The following HERC1 variants were observed in gnomAD, a reference collection of about 807,000 sequenced individuals.
The protein encoded by HERC1 is probable E3 ubiquitin-protein ligase HERC1.
In HERC1, 160 loss-of-function variants were observed where a neutral mutation model predicts 554.3. The ratio of observed to expected loss-of-function variants is 0.29; its 90% CI spans 0.25 to 0.33. The LOEUF is 0.33. Among genes scored for constraint, HERC1 ranks in the 10% least tolerant of loss-of-function variants. HERC1 has a pLI of 1.00. For missense variants in HERC1, 4,919 were observed against 5,918.5 expected (o/e 0.83, Z 5.54); for synonymous variants, 2,175 against 2,131.7 (o/e 1.02, Z -0.56).
intron 57 of HERC1, among the ~76,000 whole-genome samples, chr15:63,644,759 C>T (rs1415617349): frequency 6.6e-6 from 1 of 152,196 alleles, no homozygotes; most frequent in Non-Finnish European, 1.5e-5. Context: ...TATCCACTAT[C>T]ACAGTAACAG....
chr15:63,829,477 TAA>T (rs201049016), intron 1 of HERC1, among the ~76,000 whole-genome samples: 42,420 of 102,198 alleles, frequency 0.42, 7,885 homozygotes, highest in African/African-American at 0.48. Context: ...TATGTTTATA[TAA>T]ATATATATAT....
chr15:63,652,588 T>C (rs201341185), intron 51 of HERC1, 47 bp from the exon 52 acceptor site: 2 of 1,427,440 alleles, frequency 1.4e-6, no homozygotes, highest in Admixed American at 2.3e-5. Context: ...ATTCAAATGA[T>C]TTTATTATTT....
intron 23 of HERC1, 108 bp downstream of exon 23, chr15:63,713,245 G>T: frequency 1.1e-6 from 1 of 908,738 alleles, no homozygotes; most frequent in Non-Finnish European, 1.7e-6. Flanking sequence ...CTTCTTTCAT[G>T]TCTATGTTAA....
At chr15:63,665,620 G>GA (rs1212815674) in intron 42 of HERC1, among the ~76,000 whole-genome samples, 3 of 152,128 alleles carry the variant, frequency 2.0e-5, no homozygotes, top group African/African-American at 4.8e-5. Flanking sequence ...ACTTGTACGA[G>GA]ATAAAATTAT....
rs1395437174 is a variant in HERC1, at chr15:63,723,167, T to A, written c.3742+15A>T. The A allele has an allele frequency of 6.4e-6, 9 of 1,398,296 alleles. No homozygotes were observed. Among genetic ancestry groups the A allele is most frequent in the Non-Finnish European group, 8.5e-6 (9 of 1,062,884 alleles). 86.6% of individuals were successfully genotyped at this position (1,398,296 alleles called of 1,614,324 possible). ...GCTAACTACAAATTTACTCCCTTTA[T>A]CTTCTTTATCTTACCTTTACTAACA... On this transcript the variant is annotated intron_variant, in intron 19 of 77. Coordinates refer to ENST00000443617, the MANE Select transcript of HERC1 (RefSeq NM_003922.4).
intron 14 of HERC1, among the ~76,000 whole-genome samples, chr15:63,732,236 G>C (rs2141011481): frequency 6.6e-6 from 1 of 152,164 alleles, no homozygotes; most frequent in South Asian, 2.1e-4. Flanking sequence ...CCTGACCTCA[G>C]GTGATCCACC....
In HERC1 at chr15:63,669,613, G is replaced by A. The variant is rs1244617586; in HGVS notation, c.8131C>T (p.Pro2711Ser). 5 of 1,613,762 alleles carry A rather than the reference G, an allele frequency of 3.1e-6. No individual in the cohort carries two copies. The highest frequency in any genetic ancestry group is 4.2e-6 in the Non-Finnish European group (5 of 1,179,760). Residue 2711 changes from proline (P) to serine (S), a missense_variant, in exon 40 of 78, where the codon CCT (proline) becomes TCT (serine). Transcript: ENST00000443617. ...TPPISSLPTSPSDEVGRRQSL... is the reference protein window; with the variant it reads ...TPPISSLPTSSSDEVGRRQSL... ...TGCCTCCTTCCTACTTCATCAGAAG[G>A]AGAGGTTGGTAACGAAGATATTGGA... is the stretch of plus-strand genomic sequence containing the variant.
intron 77 of HERC1, among the ~76,000 whole-genome samples, chr15:63,609,743 A>G (rs2067509142): frequency 6.6e-6 from 1 of 152,150 alleles, no homozygotes; most frequent in African/African-American, 2.4e-5. Flanking sequence ...CCCTGTCCTC[A>G]TGTGCATTCT....
At chr15:63,829,561 G>GTGTGTGTGTATATATATATATATA (rs1220043639) in intron 1 of HERC1, among the ~76,000 whole-genome samples, 1 of 81,762 alleles carries the variant, frequency 1.2e-5, no homozygotes, top group Non-Finnish European at 2.4e-5. Flanking sequence ...GTGTGTGTGT[G>GTGTGTGTGTATATATATATATATA]TATATATATA....
intron 61 of HERC1, among the ~76,000 whole-genome samples, chr15:63,639,476 T>C (rs542988177): frequency 1.5e-4 from 23 of 152,318 alleles, no homozygotes; most frequent in East Asian, 1.4e-3. Context: ...AGCGTCAAGA[T>C]TGCCTAACAA....
chr15:63,829,561 GTATATATATA>G lies in HERC1; in HGVS notation c.-27+4256_-27+4265del, dbSNP rs60037018. Among the ~76,000 whole-genome samples, 161 of 81,730 alleles carry G rather than the reference GTATATATATA, an allele frequency of 2.0e-3. 2 individuals are homozygous for G. Among genetic ancestry groups the G allele is most frequent in the African/African-American group, 7.5e-3 (145 of 19,284 alleles). The allele number at this position is 81,730 out of a possible 152,430, so 53.6% of individuals were successfully genotyped here. The stretch of plus-strand genomic sequence containing the variant: ...TATATGTATGTGTGTGTGTGTGTGT[GTATATATATA>G]TATATATATATATATATATATATAA... On this transcript the variant is annotated intron_variant, in intron 1 of 77. Coordinates refer to ENST00000443617, the MANE Select transcript of HERC1 (RefSeq NM_003922.4).
intron 39 of HERC1, 97 bp from the exon 40 acceptor site, chr15:63,669,795 TA>T (rs1286570751): frequency 7.1e-5 from 78 of 1,100,774 alleles, no homozygotes; most frequent in Non-Finnish European, 9.6e-5. Flanking sequence ...CCTGGAAGAC[TA>T]AACAGGTTAG....
intron 18 of HERC1, among the ~76,000 whole-genome samples, chr15:63,724,690 T>G (rs980371845): frequency 6.6e-6 from 1 of 152,084 alleles, no homozygotes; most frequent in African/African-American, 2.4e-5. Flanking sequence ...CCTAGAGAGA[T>G]TAAAGGACCA....
At chr15:63,617,333 T>C (rs963040602) in intron 74 of HERC1, among the ~76,000 whole-genome samples, 1 of 152,186 alleles carries the variant, frequency 6.6e-6, no homozygotes, top group Non-Finnish European at 1.5e-5. Context: ...CTACATGACA[T>C]GAACTCATCA....
At chr15:63,638,830 C>T (rs2068901718) in intron 61 of HERC1, 54 bp from the exon 62 acceptor site, 1 of 1,226,104 alleles carries the variant, frequency 8.2e-7, no homozygotes, top group African/African-American at 1.5e-5. Flanking sequence ...GATGCACCTG[C>T]TCTTAACCAC....
At chr15:63,628,870 G>C in intron 69 of HERC1, 55 bp from the exon 70 acceptor site, 8 of 1,546,586 alleles carry the variant, frequency 5.2e-6, no homozygotes, top group Non-Finnish European at 6.2e-6. Flanking sequence ...AAGAGAGGAA[G>C]TCAATATGAA....
At chr15:63,676,107 G>A (rs1052654487) in intron 37 of HERC1, among the ~76,000 whole-genome samples, 1 of 152,050 alleles carries the variant, frequency 6.6e-6, no homozygotes, top group Non-Finnish European at 1.5e-5. Context: ...TTGCCATGGT[G>A]GCCAGGCCGG....
intron 4 of HERC1, among the ~76,000 whole-genome samples, chr15:63,757,188 C>G (rs953001501): frequency 8.7e-5 from 11 of 126,968 alleles, no homozygotes; most frequent in African/African-American, 3.2e-4. Flanking sequence ...AGCTGGGCTA[C>G]AAATGTAAAA....
intron 1 of HERC1, among the ~76,000 whole-genome samples, chr15:63,806,223 T>C (rs2077135196): frequency 6.6e-6 from 1 of 151,642 alleles, no homozygotes; most frequent in Admixed American, 6.6e-5. Context: ...TAGAGTGCAG[T>C]GGCTATTCAC....
Sources: gnomAD v4.1 joint callset for allele counts (sites outside exome capture counted in the v4.1 genomes callset) on GRCh38, gnomAD v4.1.1 for gene constraint, MANE v1.5 for transcripts, NCBI Gene and HGNC (gene_info 2026-07-23, HGNC 2026-07-21) for gene names.